Variants in LRP1B observed in about 807,000 individuals in gnomAD.
The protein encoded by LRP1B is LDL receptor related protein 1B, also known as low-density lipoprotein receptor-related protein 1B.
A neutral mutation model predicts 556.6 loss-of-function variants in LRP1B; 217 were observed. The observed-to-expected ratio is 0.39, with a 90% CI of 0.35 to 0.44. LRP1B has a LOEUF of 0.44. Ranked by LOEUF, LRP1B falls within the 20% of genes least tolerant of loss-of-function variation. LRP1B has a pLI of 1.00. For missense variants in LRP1B, 5,053 were observed against 5,620.8 expected (o/e 0.90, Z 3.23); for synonymous variants, 2,047 against 1,865.8 (o/e 1.10, Z -2.50).
intron 6 of LRP1B, among the ~76,000 whole-genome samples, chr2:141,224,939 ACCTGCACAT>A (rs757017008): frequency 6.0e-4 from 91 of 152,278 alleles, no homozygotes; most frequent in Non-Finnish European, 9.0e-4. Context: ...TATGTAACAA[ACCTGCACAT>A]CCTGCACATG....
At chr2:141,873,319 G>A (rs560644528) in intron 1 of LRP1B, among the ~76,000 whole-genome samples, 14 of 151,868 alleles carry the variant, frequency 9.2e-5, no homozygotes, top group Non-Finnish European at 2.1e-4. Context: ...AATTAGTGGG[G>A]TATGATAGCA....
intron 31 of LRP1B, among the ~76,000 whole-genome samples, chr2:140,822,276 C>T (rs1305736995): frequency 6.6e-6 from 1 of 152,170 alleles, no homozygotes; most frequent in Non-Finnish European, 1.5e-5. Context: ...TTTAGCTCAA[C>T]AATGGATAAC....
chr2:141,409,806 G>A (rs1193060887), intron 3 of LRP1B, among the ~76,000 whole-genome samples: 3 of 151,966 alleles, frequency 2.0e-5, no homozygotes, highest in Non-Finnish European at 2.9e-5. Context: ...AAATTGGGTG[G>A]CCAAGGATAG....
At chr2:141,174,948 A>G (rs756024856) in intron 7 of LRP1B, among the ~76,000 whole-genome samples, 19 of 152,134 alleles carry the variant, frequency 1.2e-4, no homozygotes, top group Non-Finnish European at 2.6e-4. Flanking sequence ...CTTACTGGGA[A>G]CTAGAGTAAA....
Position 140,903,063 on chromosome 2 carries a change from T to C in LRP1B, c.3623A>G (p.Asp1208Gly). ...ATCCACAATTTCACATGTTTTATTGTCTTTGTTGAGTTGAAGTCCTTCAGG... is the reference window on the plus strand; with the variant it reads ...ATCCACAATTTCACATGTTTTATTGCCTTTGTTGAGTTGAAGTCCTTCAGG... Reference protein sequence around the residue: ...SCPEGLQLNKDNKTCEIVDYC... With the variant: ...SCPEGLQLNKGNKTCEIVDYC... The change falls in exon 23 of 91, where the codon GAC (aspartate) becomes GGC (glycine). Residue 1208 changes from aspartate to glycine, a missense_variant. This residue lies in a region of LRP1B where 3,619 missense variants were observed against 3,931.9 expected (regional missense o/e 0.92). Transcript: ENST00000389484. The C allele has an allele frequency of 6.2e-7, 1 of 1,613,730 alleles. No homozygotes were observed. Among genetic ancestry groups the C allele is most frequent in the Non-Finnish European group, 8.5e-7 (1 of 1,179,754 alleles).
intron 41 of LRP1B, among the ~76,000 whole-genome samples, chr2:140,625,601 T>C (rs963090974): frequency 2.0e-5 from 3 of 152,082 alleles, no homozygotes; most frequent in Admixed American, 2.0e-4. Flanking sequence ...TCAAACAAGA[T>C]ATACAGATAG....
intron 2 of LRP1B, among the ~76,000 whole-genome samples, chr2:141,525,066 C>G (rs1036209129): frequency 2.0e-5 from 3 of 151,826 alleles, no homozygotes; most frequent in East Asian, 1.9e-4. Flanking sequence ...TTTTTTGACT[C>G]TGAAATACAT....
At chr2:140,600,198 C>A (rs147770708) in intron 42 of LRP1B, among the ~76,000 whole-genome samples, 1 of 152,134 alleles carries the variant, frequency 6.6e-6, no homozygotes, top group East Asian at 1.9e-4. Flanking sequence ...AACTGACTTA[C>A]AAATTCCTTT....
intron 75 of LRP1B, among the ~76,000 whole-genome samples, chr2:140,354,180 T>A (rs1558823884): frequency 6.6e-6 from 1 of 152,102 alleles, no homozygotes; most frequent in Non-Finnish European, 1.5e-5. Flanking sequence ...AATCTCCTAA[T>A]TACCTAATAA....
chr2:140,603,120 T>C (rs1276510922), intron 41 of LRP1B, among the ~76,000 whole-genome samples: 1 of 152,060 alleles, frequency 6.6e-6, no homozygotes, highest in East Asian at 1.9e-4. Flanking sequence ...TGTTTGACTC[T>C]AGGAGAATTG....
rs756825067 is a variant in LRP1B, at chr2:140,787,558, A to ATTTTTTTTTTTTTTTTTTT, written c.5360-11339_5360-11321dup. ...CCTATCTTCCTGTTTAAAACAGAAG[A>ATTTTTTTTTTTTTTTTTTT]TTTTTTTTTTTTTTTTTTTTTTTTT... On this transcript the variant is annotated intron_variant, in intron 32 of 90. Coordinates refer to ENST00000389484, the MANE Select transcript of LRP1B (RefSeq NM_018557.3). Among the ~76,000 whole-genome samples the ATTTTTTTTTTTTTTTTTTT allele has an allele frequency of 1.6e-4, 7 of 44,658 alleles. 1 individual carries two copies. In the East Asian group the frequency reaches 4.3e-3, roughly 28 times the overall value. 29.3% of individuals were successfully genotyped at this position (44,658 alleles called of 152,430 possible). A position where few individuals can be genotyped will look rare whatever the true frequency, so the allele number is the denominator to read the frequency against.
intron 3 of LRP1B, among the ~76,000 whole-genome samples, chr2:141,353,135 T>C (rs931792612): frequency 6.6e-6 from 1 of 151,956 alleles, no homozygotes. Context: ...CACAGAAAGA[T>C]CATATTTCCC....
Position 141,492,091 on chromosome 2 carries a change from A to AAAAAAAAAC in LRP1B, c.206-11559_206-11558insGTTTTTTTT, listed in dbSNP as rs67960557. Among the ~76,000 whole-genome samples the AAAAAAAAAC allele has an allele frequency of 2.0e-3, 198 of 100,182 alleles. 15 individuals are homozygous for AAAAAAAAAC. Among genetic ancestry groups the AAAAAAAAAC allele is most frequent in the African/African-American group, 2.7e-3 (69 of 25,900 alleles). 65.7% of individuals were successfully genotyped at this position (100,182 alleles called of 152,430 possible). On this transcript the variant is annotated intron_variant, in intron 2 of 90. Coordinates refer to ENST00000389484, the MANE Select transcript of LRP1B (RefSeq NM_018557.3). Reference sequence around the variant, plus strand: ...TATTTAGCTTTCTGAAAAAAAAAAAACACTAAGAAAACCAACATTTGATGA... The same window carrying AAAAAAAAAC: ...TATTTAGCTTTCTGAAAAAAAAAAAAAAAAAAAACCACTAAGAAAACCAACATTTGATGA...
chr2:141,160,253 C>T (rs1219753927), intron 7 of LRP1B, among the ~76,000 whole-genome samples: 1 of 152,108 alleles, frequency 6.6e-6, no homozygotes, highest in East Asian at 1.9e-4. Context: ...GTAAAAATTA[C>T]TGACAATGTC....
intron 1 of LRP1B, among the ~76,000 whole-genome samples, chr2:141,937,360 G>A (rs1700662842): frequency 6.6e-6 from 1 of 151,592 alleles, no homozygotes; most frequent in South Asian, 2.1e-4. Flanking sequence ...ACTCCAGCCT[G>A]GGCGACAGAG....
intron 41 of LRP1B, among the ~76,000 whole-genome samples, chr2:140,653,231 C>T (rs1003753026): frequency 2.6e-5 from 4 of 151,894 alleles, no homozygotes; most frequent in East Asian, 1.9e-4. Flanking sequence ...GGAAACCTCC[C>T]GGACTATACA....
chr2:142,097,678 T>G (rs879863384), intron 1 of LRP1B, among the ~76,000 whole-genome samples: 1 of 151,618 alleles, frequency 6.6e-6, no homozygotes, highest in Non-Finnish European at 1.5e-5. Context: ...TGAAAAAATA[T>G]GCTACCACAA....
At chr2:141,103,708 G>GTT (rs556602725) in intron 7 of LRP1B, among the ~76,000 whole-genome samples, 1,924 of 144,986 alleles carry the variant, frequency 0.013, 19 homozygotes, top group Non-Finnish European at 0.018. Flanking sequence ...TAAGGCTGAA[G>GTT]TTTTTTTTTT....
chr2:141,374,778 T>C (rs1689366622), intron 3 of LRP1B, among the ~76,000 whole-genome samples: 1 of 152,214 alleles, frequency 6.6e-6, no homozygotes. Flanking sequence ...ATTGATTTTC[T>C]GATTTCTTTG....
Sources: gnomAD v4.1 joint callset for allele counts (sites outside exome capture counted in the v4.1 genomes callset) on GRCh38, gnomAD v4.1.1 for gene constraint, gnomAD v4.1.1 regional missense constraint, MANE v1.5 for transcripts, NCBI Gene and HGNC (gene_info 2026-07-23, HGNC 2026-07-21) for gene names.